The following MAN1A1 variants were observed in gnomAD, a reference collection of about 807,000 sequenced individuals.
The protein encoded by MAN1A1 is mannosyl-oligosaccharide 1,2-alpha-mannosidase IA.
In MAN1A1, 29 loss-of-function variants were observed where a neutral mutation model predicts 70.8. The ratio of observed to expected loss-of-function variants is 0.41; its 90% CI spans 0.31 to 0.56. The LOEUF is 0.56. MAN1A1 is among the 20% of genes least tolerant of loss of function. MAN1A1 has a pLI of 0.29. For missense variants in MAN1A1, 747 were observed against 841.3 expected, an observed-to-expected ratio of 0.89 and a Z score of 1.39; for synonymous variants, 349 against 330.1, an observed-to-expected ratio of 1.06 and a Z score of -0.62.
chr6:119,328,039 T>G (rs1283676610), intron 2 of MAN1A1, among the ~76,000 whole-genome samples: 27 of 152,178 alleles, frequency 1.8e-4, no homozygotes, highest in Admixed American at 1.8e-3. Flanking sequence ...CAGCTCATTT[T>G]TGGCCTTATG....
Position 119,180,419 on chromosome 6 carries a change from T to C in MAN1A1, c.1728A>G (p.Glu576=). The change falls in exon 12 of 13, where the codon GAA becomes GAG. Residue 576 remains glutamate (E), a synonymous_variant. Transcript: ENST00000368468. ...AGCCTCCATTCACTCTGCAATGGTT[T>C]TCCAAGGCCTAAATTATAGAGGAGG... ...KWAWEAVEAL[E]NHCRVNGGYS... The C allele has an allele frequency of 6.3e-7, 1 of 1,583,850 alleles. No individual in the cohort carries two copies. The highest frequency in any genetic ancestry group is 8.6e-7 in the Non-Finnish European group (1 of 1,156,954).
chr6:119,183,454 A>C lies in MAN1A1; in HGVS notation c.1720-3027T>G, dbSNP rs1486559408. ...ATACCAGATATGTAGAATAAGCCAA[A>C]AATTATTGGTTAAAAAAAGGAAAAA... On this transcript the variant is annotated intron_variant, in intron 11 of 12. Transcript: ENST00000368468. Among the ~76,000 whole-genome samples the C allele has an allele frequency of 3.3e-5, 5 of 152,210 alleles. No homozygotes were observed. The East Asian group carries it at 9.7e-4, about 29-fold the overall frequency.
intron 6 of MAN1A1, among the ~76,000 whole-genome samples, chr6:119,238,512 A>G (rs1406785824): frequency 6.6e-6 from 1 of 152,216 alleles, no homozygotes; most frequent in Non-Finnish European, 1.5e-5. Context: ...GAATAGATTT[A>G]TGCTTAAATT....
chr6:119,210,447 A>T (rs1014426167), intron 6 of MAN1A1, among the ~76,000 whole-genome samples: 1 of 152,172 alleles, frequency 6.6e-6, no homozygotes, highest in African/African-American at 2.4e-5. Context: ...TCAGTCCTAC[A>T]TGCTGCTTTA....
At chr6:119,292,938 C>T (rs533141216) in intron 4 of MAN1A1, among the ~76,000 whole-genome samples, 6 of 151,982 alleles carry the variant, frequency 3.9e-5, no homozygotes, top group Admixed American at 2.6e-4. Context: ...CACGTGACTA[C>T]GTTTCCTATG....
At position 119,319,283 on chromosome 6, in the gene MAN1A1, C is replaced by A. The variant is rs195052; in HGVS notation, c.604-12291G>T. On this transcript the variant is annotated intron_variant, in intron 2 of 12. Coordinates refer to ENST00000368468, the MANE Select transcript of MAN1A1 (RefSeq NM_005907.4). ...TGATGGCAAATATTTCCTGGGCCTG[C>A]AAATGCATTACTCTAACCCTTCTGG... Among the ~76,000 whole-genome samples the A allele has an allele frequency of 6.2e-3, 944 of 151,796 alleles. 4 individuals carry two copies. Among genetic ancestry groups the A allele is most frequent in the Non-Finnish European group, 0.011 (721 of 67,930 alleles).
intron 4 of MAN1A1, among the ~76,000 whole-genome samples, chr6:119,293,054 G>A (rs549420978): frequency 3.9e-5 from 6 of 152,102 alleles, no homozygotes; most frequent in African/African-American, 1.4e-4. Context: ...CCTGGTAACA[G>A]TTTCCCACAT....
chr6:119,252,617 C>A (rs937350781), intron 5 of MAN1A1, among the ~76,000 whole-genome samples: 5 of 151,996 alleles, frequency 3.3e-5, no homozygotes, highest in Non-Finnish European at 7.4e-5. Context: ...CATGGTGAAA[C>A]CCCGTCTCTA....
intron 5 of MAN1A1, among the ~76,000 whole-genome samples, chr6:119,254,690 G>C (rs1775413785): frequency 6.6e-6 from 1 of 152,124 alleles, no homozygotes; most frequent in Non-Finnish European, 1.5e-5. Flanking sequence ...TGTACAACTA[G>C]CAATCAGTTT....
chr6:119,347,593 C>G (rs1380189634), intron 2 of MAN1A1, among the ~76,000 whole-genome samples: 1 of 152,166 alleles, frequency 6.6e-6, no homozygotes, highest in East Asian at 1.9e-4. Flanking sequence ...GTTCGGACCT[C>G]GGGCTTCAAG....
intron 6 of MAN1A1, 117 bp from the exon 7 acceptor site, chr6:119,204,999 C>T (rs2114950376): frequency 1.0e-6 from 1 of 991,462 alleles, no homozygotes; most frequent in East Asian, 2.7e-5. Flanking sequence ...TAATAGTCCA[C>T]TCTAGATATT....
Position 119,348,721 on chromosome 6 carries a change from G to C in MAN1A1, c.345C>G (p.Ala115=). 6.3e-7 allele frequency: 1 copy of C among 1,586,964 alleles called. No homozygotes were observed. Among genetic ancestry groups the C allele is most frequent in the Non-Finnish European group, 8.6e-7 (1 of 1,168,516 alleles). ...TCCTGGCCAAGTTGTCCTCCAGGGC[G>C]GCCTCCGGGTCCCCGGGTGCCCCCT... The part of the protein sequence containing the change: ...REEGAPGDPE[A]ALEDNLARIR... The change falls in exon 2 of 13, where the codon GCC becomes GCG. Residue 115 remains alanine, a synonymous_variant. Transcript: ENST00000368468.
rs57114522 is a variant in MAN1A1, at chr6:119,324,791, A to C, written c.604-17799T>G. Among the ~76,000 whole-genome samples the C allele has an allele frequency of 5.9e-3, 895 of 152,302 alleles. 30 individuals are homozygous for C. In the East Asian group the frequency reaches 0.09, roughly 15 times the overall value. On this transcript the variant is annotated intron_variant, in intron 2 of 12. Coordinates refer to ENST00000368468, the MANE Select transcript of MAN1A1 (RefSeq NM_005907.4). ...TTGACAATGAAGTTGTTACTAAAAA[A>C]ATAAAAGGCCACTGGTTTAAACTGG...
intron 5 of MAN1A1, among the ~76,000 whole-genome samples, chr6:119,253,486 C>T (rs1582738440): frequency 6.6e-6 from 1 of 152,192 alleles, no homozygotes; most frequent in African/African-American, 2.4e-5. Flanking sequence ...CACTTGACCT[C>T]TTGCCAACCC....
At chr6:119,185,730 C>A (rs1188527164) in intron 11 of MAN1A1, among the ~76,000 whole-genome samples, 1 of 152,040 alleles carries the variant, frequency 6.6e-6, no homozygotes, top group Non-Finnish European at 1.5e-5. Flanking sequence ...GCGCCCGCCA[C>A]CACGCCTGGT....
chr6:119,189,674 A>G lies in MAN1A1; in HGVS notation c.1536T>C (p.Tyr512=), dbSNP rs116358551. The G allele has an allele frequency of 5.2e-4, 842 of 1,614,046 alleles. 6 individuals are homozygous for G. In the African/African-American group the frequency reaches 9.5e-3, roughly 18 times the overall value. ...AEIARTCHES[Y]NRTFMKLGPE... ...ATAACATGTACTCACATGTTCGATT[A>G]TATGATTCATGACAAGTACGGGCAA... is the stretch of plus-strand genomic sequence containing the variant. The change falls in exon 10 of 13, where the codon TAT becomes TAC. Residue 512 remains tyrosine, a synonymous_variant. Transcript: ENST00000368468.
chr6:119,336,162 T>C (rs1468696415), intron 2 of MAN1A1, among the ~76,000 whole-genome samples: 1 of 152,184 alleles, frequency 6.6e-6, no homozygotes, highest in Admixed American at 6.5e-5. Flanking sequence ...CTCCGCCTCC[T>C]GGGTTCAAGT....
At chr6:119,187,368 A>C (rs549442421) in intron 11 of MAN1A1, among the ~76,000 whole-genome samples, 1 of 152,324 alleles carries the variant, frequency 6.6e-6, no homozygotes, top group East Asian at 1.9e-4. Context: ...CATTTTCTCC[A>C]GAGGAAAAAA....
intron 2 of MAN1A1, among the ~76,000 whole-genome samples, chr6:119,322,566 C>T (rs1240148444): frequency 6.6e-6 from 1 of 152,116 alleles, no homozygotes; most frequent in African/African-American, 2.4e-5. Context: ...GAAACATGGT[C>T]CTGTGTGTGC....
Sources: gnomAD v4.1 joint callset for allele counts (sites outside exome capture counted in the v4.1 genomes callset) on GRCh38, gnomAD v4.1.1 for gene constraint, MANE v1.5 for transcripts, NCBI Gene and HGNC (gene_info 2026-07-23, HGNC 2026-07-21) for gene names.